The following ZCCHC14 variants were observed in gnomAD, a reference collection of about 807,000 sequenced individuals.
The protein encoded by ZCCHC14 is zinc finger CCHC-type containing 14, also known as zinc finger CCHC domain-containing protein 14.
A neutral mutation model predicts 85.0 loss-of-function variants in ZCCHC14; 16 were observed. The ratio of observed to expected loss-of-function variants is 0.19; its 90% CI spans 0.13 to 0.29. The LOEUF is 0.29. Among genes scored for constraint, ZCCHC14 ranks in the 10% least tolerant of loss-of-function variants. The probability of loss-of-function intolerance (pLI) is 1.00; values close to 1 mark genes in which losing one functional copy is unlikely to be tolerated. For missense variants in ZCCHC14, 1,303 were observed against 1,443.5 expected, an observed-to-expected ratio of 0.90 and a Z score of 1.58; for synonymous variants, 775 against 630.7, an observed-to-expected ratio of 1.23 and a Z score of -3.43.
Position 87,492,265 on chromosome 16 carries a change from C to G in ZCCHC14, c.-27G>C. The G allele has an allele frequency of 1.0e-6, 1 of 980,056 alleles. No homozygotes were observed. 60.7% of individuals were successfully genotyped at this position (980,056 alleles called of 1,614,324 possible). ...CTGCCGCCCGCGCCGCGCCGCGACC[C>G]GGGGCCGGGGACCGCGCGGGGGCGG... On this transcript the variant is annotated 5_prime_UTR_variant, in exon 1 of 13. Coordinates refer to ENST00000671377, the MANE Select transcript of ZCCHC14 (RefSeq NM_015144.3). This position sits in a 1 kb window ranked among gnomAD's most constrained non-coding sequence, Gnocchi z 6.7.
intron 1 of ZCCHC14, among the ~76,000 whole-genome samples, chr16:87,482,632 G>A (rs1452063461): frequency 6.6e-6 from 1 of 152,216 alleles, no homozygotes; most frequent in East Asian, 1.9e-4. Flanking sequence ...TGGCCAACAT[G>A]AGGTCATATG....
intron 10 of ZCCHC14, 82 bp downstream of exon 10, chr16:87,414,332 T>C (rs1484677278): frequency 1.2e-6 from 2 of 1,608,874 alleles, no homozygotes; most frequent in South Asian, 1.1e-5. Flanking sequence ...GGGCCCTCTC[T>C]GTGTATGAGT....
chr16:87,488,588 A>T (rs530364829), intron 1 of ZCCHC14, among the ~76,000 whole-genome samples: 52 of 152,292 alleles, frequency 3.4e-4, no homozygotes, highest in Admixed American at 5.9e-4. Context: ...TTTAAAAAAA[A>T]TTTTTTGAGA....
chr16:87,437,097 G>A (rs976873632), intron 2 of ZCCHC14, among the ~76,000 whole-genome samples: 1 of 152,040 alleles, frequency 6.6e-6, no homozygotes, highest in African/African-American at 2.4e-5. Flanking sequence ...AGCACTTTGG[G>A]AGGCTGAGGC....
rs551273922 is a variant in ZCCHC14 at position 87,481,989 on chromosome 16, A to T, written c.570+9680T>A. Reference sequence around the variant, plus strand: ...GGGCGAGAGAGCCAGAGAGCAAGCCAGCAAGAGGAGCCCCACACCGGCCTT... The same window carrying T: ...GGGCGAGAGAGCCAGAGAGCAAGCCTGCAAGAGGAGCCCCACACCGGCCTT... On this transcript the variant is annotated intron_variant, in intron 1 of 12. Coordinates refer to ENST00000671377, the MANE Select transcript of ZCCHC14 (RefSeq NM_015144.3). 4.2e-3 allele frequency among the ~76,000 whole-genome samples: 635 copies of T among 152,350 alleles called. 19 individuals carry two copies. The highest frequency in any genetic ancestry group is 7.9e-4 in the Non-Finnish European group (54 of 68,038).
At position 87,448,863 on chromosome 16, in the gene ZCCHC14, C is replaced by A. The variant is rs190753791; in HGVS notation, c.694+11145G>T. 1.3e-3 allele frequency among the ~76,000 whole-genome samples: 191 copies of A among 152,350 alleles called. 1 individual carries two copies. Among genetic ancestry groups the A allele is most frequent in the Non-Finnish European group, 2.3e-3 (154 of 68,034 alleles). The stretch of plus-strand genomic sequence containing the variant: ...CCACAGTTCTTTACCCCTCGTCACA[C>A]TGAAACCCATGCTGCAGCTGGCTTA... On this transcript the variant is annotated intron_variant, in intron 2 of 12. Coordinates refer to ENST00000671377, the MANE Select transcript of ZCCHC14 (RefSeq NM_015144.3).
intron 2 of ZCCHC14, among the ~76,000 whole-genome samples, chr16:87,443,519 T>C (rs770099547): frequency 6.6e-6 from 1 of 152,128 alleles, no homozygotes; most frequent in Non-Finnish European, 1.5e-5. Flanking sequence ...AAGAACTGCC[T>C]GAGCTGAGAA....
chr16:87,436,029 T>G (rs1410683007), intron 2 of ZCCHC14, among the ~76,000 whole-genome samples: 1 of 152,184 alleles, frequency 6.6e-6, no homozygotes, highest in Non-Finnish European at 1.5e-5. Flanking sequence ...CAACATATAG[T>G]GTCAATGAAT....
rs1298960379 is a variant in ZCCHC14 at position 87,491,093 on chromosome 16, T to C, written c.570+576A>G. Among the ~76,000 whole-genome samples the C allele has an allele frequency of 4.6e-5, 7 of 152,238 alleles. No individual in the cohort carries two copies. Among genetic ancestry groups the C allele is most frequent in the Non-Finnish European group, 2.9e-5 (2 of 68,038 alleles). ...AACCAAGGCGCCGCAATGTGTGTTA[T>C]CTGTCACCCAAGGGCCCCATTAAGG... On this transcript the variant is annotated intron_variant, in intron 1 of 12. Coordinates refer to ENST00000671377, the MANE Select transcript of ZCCHC14 (RefSeq NM_015144.3). This position sits in a 1 kb window ranked among gnomAD's most constrained non-coding sequence, Gnocchi z 5.9.
At chr16:87,440,023 G>A (rs920941783) in intron 2 of ZCCHC14, among the ~76,000 whole-genome samples, 17 of 152,068 alleles carry the variant, frequency 1.1e-4, no homozygotes, top group African/African-American at 1.9e-4. Flanking sequence ...CCCAGGCTGC[G>A]CTCGAACTCC....
At chr16:87,482,762 T>G (rs1433196252) in intron 1 of ZCCHC14, among the ~76,000 whole-genome samples, 1 of 152,156 alleles carries the variant, frequency 6.6e-6, no homozygotes, top group Non-Finnish European at 1.5e-5. Flanking sequence ...CAGATGGCAC[T>G]GGGACAAATG....
At position 87,411,873 on chromosome 16, in the gene ZCCHC14, G is replaced by C; in HGVS notation, c.2848C>G (p.Pro950Ala). 1 of 1,603,908 alleles carries C rather than the reference G, an allele frequency of 6.2e-7. No homozygotes were observed. ...TVSYANYFQH[P>A]FSGPSVFTFP... ...GTGAACACGGACGGACCGGAGAACG[G>C]GTGCTGGAAGTAGTTGGCGTAGCTG... is the stretch of plus-strand genomic sequence containing the variant. Residue 950 changes from proline (P) to alanine (A), a missense_variant, in exon 12 of 13, where the codon CCG (proline) becomes GCG (alanine). By Grantham distance (27) the Pro-to-Ala change is conservative. Coordinates refer to ENST00000671377, the MANE Select transcript of ZCCHC14 (RefSeq NM_015144.3).
At chr16:87,456,499 C>G (rs1472449791) in intron 2 of ZCCHC14, among the ~76,000 whole-genome samples, 2 of 128,984 alleles carry the variant, frequency 1.6e-5, no homozygotes, top group Non-Finnish European at 3.1e-5. Context: ...CGCCACTGCA[C>G]TCCAGCCTGG....
chr16:87,462,990 C>T (rs2034806910), intron 1 of ZCCHC14, among the ~76,000 whole-genome samples: 1 of 152,260 alleles, frequency 6.6e-6, no homozygotes, highest in East Asian at 1.9e-4. Flanking sequence ...ATCGCTTGAA[C>T]CCCGGAGTTG....
At chr16:87,461,284 G>A (rs887335729) in intron 1 of ZCCHC14, among the ~76,000 whole-genome samples, 1 of 152,204 alleles carries the variant, frequency 6.6e-6, no homozygotes, top group Non-Finnish European at 1.5e-5. Context: ...GAGGAGGGGG[G>A]TAGCAATAAC....
chr16:87,452,203 G>A (rs1460411738), intron 2 of ZCCHC14, among the ~76,000 whole-genome samples: 1 of 152,254 alleles, frequency 6.6e-6, no homozygotes, highest in Non-Finnish European at 1.5e-5. Context: ...CAGGGCCAAA[G>A]CCACATGTGG....
chr16:87,439,878 A>C (rs1208785543), intron 2 of ZCCHC14, among the ~76,000 whole-genome samples: 1 of 152,268 alleles, frequency 6.6e-6, no homozygotes, highest in Admixed American at 6.5e-5. Flanking sequence ...ATAGTTGTTA[A>C]GTATTTTGCT....
intron 2 of ZCCHC14, 29 bp from the exon 3 acceptor site, chr16:87,433,230 G>A: frequency 6.3e-7 from 1 of 1,598,290 alleles, no homozygotes; most frequent in Non-Finnish European, 8.6e-7. Context: ...AAACAAAAAT[G>A]AAATAAGAGC....
At chr16:87,428,786 C>G (rs767035455) in intron 3 of ZCCHC14, among the ~76,000 whole-genome samples, 8 of 152,220 alleles carry the variant, frequency 5.3e-5, no homozygotes, top group Non-Finnish European at 8.8e-5. Context: ...AACGGACTCA[C>G]TGAGTATAAA....
Sources: gnomAD v4.1 joint callset for allele counts (sites outside exome capture counted in the v4.1 genomes callset) on GRCh38, gnomAD v4.1.1 for gene constraint, Gnocchi (gnomAD v3.1) non-coding constraint, MANE v1.5 for transcripts, NCBI Gene and HGNC (gene_info 2026-07-23, HGNC 2026-07-21) for gene names.